Variants in FRMD4A observed in about 807,000 individuals in gnomAD.
FRMD4A encodes the protein FERM domain-containing protein 4A.
A neutral mutation model predicts 129.1 loss-of-function variants in FRMD4A; 29 were observed. That is an observed-to-expected ratio of 0.22 (90% confidence interval 0.17 to 0.31). The LOEUF (loss-of-function observed/expected upper bound fraction) is 0.31, where lower values mean the gene tolerates loss of function less well. Ranked by LOEUF, FRMD4A falls within the 10% of genes least tolerant of loss-of-function variation. The pLI is 1.00. For missense variants in FRMD4A, 1,272 were observed against 1,375.8 expected, an observed-to-expected ratio of 0.92 and a Z score of 1.19; for synonymous variants, 634 against 571.6, an observed-to-expected ratio of 1.11 and a Z score of -1.56.
intron 2 of FRMD4A, among the ~76,000 whole-genome samples, chr10:14,289,407 G>C (rs986356156): frequency 6.6e-6 from 1 of 151,930 alleles, no homozygotes; most frequent in Non-Finnish European, 1.5e-5. Context: ...TATGCCTGTT[G>C]GCTATTTATA....
chr10:14,110,639 A>AAAC (rs1298182206), intron 2 of FRMD4A, among the ~76,000 whole-genome samples: 1 of 151,692 alleles, frequency 6.6e-6, no homozygotes, highest in Non-Finnish European at 1.5e-5. Context: ...TAACAAAACA[A>AAAC]AACAAAACAA....
chr10:14,304,914 A>G (rs11591845), intron 2 of FRMD4A, among the ~76,000 whole-genome samples: 17,697 of 152,222 alleles, frequency 0.12, 1,117 homozygotes, highest in Middle Eastern at 0.24. Context: ...TGTTTCCCAC[A>G]GTGGTCTGAA....
At chr10:13,761,294 A>T (rs2092063698) in intron 8 of FRMD4A, among the ~76,000 whole-genome samples, 1 of 152,246 alleles carries the variant, frequency 6.6e-6, no homozygotes, top group Non-Finnish European at 1.5e-5. Flanking sequence ...ACTTGTCAGG[A>T]CTGACAGGTT....
chr10:14,299,434 C>A (rs189880820), intron 2 of FRMD4A, among the ~76,000 whole-genome samples: 124 of 152,242 alleles, frequency 8.1e-4, no homozygotes, highest in Middle Eastern at 3.4e-3. Context: ...GGGGTACCTG[C>A]TATAGCCTGG....
At chr10:14,307,714 C>A (rs1564454694) in intron 2 of FRMD4A, among the ~76,000 whole-genome samples, 1 of 152,200 alleles carries the variant, frequency 6.6e-6, no homozygotes, top group Non-Finnish European at 1.5e-5. Context: ...GGATACCCCA[C>A]AGACAGTTTT....
In FRMD4A at chr10:13,950,865, C is replaced by A. The variant is rs186019237; in HGVS notation, c.46-91953G>T. On this transcript the variant is annotated intron_variant, in intron 2 of 24. Transcript: ENST00000357447. The stretch of plus-strand genomic sequence containing the variant: ...CTGCTTATTTGTTTACTTATCTTCT[C>A]TCTTGCCATGGAGAATGGAAGCTTC... 4.5e-3 allele frequency among the ~76,000 whole-genome samples: 683 copies of A among 152,350 alleles called. 4 individuals carry two copies. Among genetic ancestry groups the A allele is most frequent in the Non-Finnish European group, 6.0e-3 (407 of 68,036 alleles).
At chr10:14,318,808 C>T (rs540621760) in intron 2 of FRMD4A, among the ~76,000 whole-genome samples, 2 of 152,256 alleles carry the variant, frequency 1.3e-5, no homozygotes, top group South Asian at 2.1e-4. Flanking sequence ...TGAACCACAT[C>T]GACATGTCCT....
chr10:13,650,248 A>G (rs1283148959), intron 24 of FRMD4A, among the ~76,000 whole-genome samples: 2 of 152,114 alleles, frequency 1.3e-5, no homozygotes, highest in African/African-American at 2.4e-5. Flanking sequence ...TACAGAACCA[A>G]CTGGTGGCAC....
chr10:13,867,835 A>C (rs1472539087), intron 2 of FRMD4A, among the ~76,000 whole-genome samples: 8 of 138,708 alleles, frequency 5.8e-5, no homozygotes, highest in Non-Finnish European at 1.2e-4. Context: ...TATAATATAT[A>C]ATAAATAATA....
Position 14,087,196 on chromosome 10 carries a change from T to C in FRMD4A, c.46-228284A>G, listed in dbSNP as rs1836332294. Among the ~76,000 whole-genome samples, 3 of 148,386 alleles carry C rather than the reference T, an allele frequency of 2.0e-5. No individual in the cohort carries two copies. In the Admixed American group the frequency reaches 2.0e-4, roughly 10 times the overall value. Reference sequence around the variant, plus strand: ...TGTTAATTATATACTACATAAATTATATTTATACACTTATAGGATTATAAA... The same window carrying C: ...TGTTAATTATATACTACATAAATTACATTTATACACTTATAGGATTATAAA... On this transcript the variant is annotated intron_variant, in intron 2 of 24. Coordinates refer to ENST00000357447, the MANE Select transcript of FRMD4A (RefSeq NM_018027.5).
At chr10:13,679,080 A>G (rs750256892) in intron 15 of FRMD4A, among the ~76,000 whole-genome samples, 3 of 152,026 alleles carry the variant, frequency 2.0e-5, no homozygotes, top group Non-Finnish European at 2.9e-5. Context: ...CCCAGCCTCT[A>G]GAAACTTCTG....
chr10:13,915,669 C>CA (rs68011803), intron 2 of FRMD4A, among the ~76,000 whole-genome samples: 19,397 of 121,832 alleles, frequency 0.16, 1,461 homozygotes, highest in East Asian at 0.21. Flanking sequence ...GACTCTATCT[C>CA]AAAAAAAAAA....
chr10:13,812,774 G>A (rs1306561975), intron 3 of FRMD4A, among the ~76,000 whole-genome samples: 1 of 152,218 alleles, frequency 6.6e-6, no homozygotes, highest in African/African-American at 2.4e-5. Flanking sequence ...AGACAGGAAT[G>A]GACAGGAGAA....
chr10:13,742,820 T>C (rs1161934368), intron 9 of FRMD4A, among the ~76,000 whole-genome samples: 5 of 152,104 alleles, frequency 3.3e-5, no homozygotes, highest in Non-Finnish European at 5.9e-5. Flanking sequence ...CCCGGCCCTA[T>C]TATCTATTAT....
chr10:13,917,310 A>T (rs1340452086), intron 2 of FRMD4A, among the ~76,000 whole-genome samples: 1 of 134,036 alleles, frequency 7.5e-6, no homozygotes, highest in African/African-American at 2.9e-5. Context: ...TGAGATGGAG[A>T]CTCGCTTTGT....
intron 2 of FRMD4A, among the ~76,000 whole-genome samples, chr10:13,883,271 C>T (rs2094567959): frequency 6.6e-6 from 1 of 151,902 alleles, no homozygotes. Context: ...GGGTGGATTA[C>T]CTGAGGTCAG....
chr10:14,152,117 C>CTTTTT lies in FRMD4A; in HGVS notation c.45+177936_45+177940dup, dbSNP rs36023583. 5.5e-4 allele frequency among the ~76,000 whole-genome samples: 30 copies of CTTTTT among 54,152 alleles called. 6 individuals are homozygous for CTTTTT. Among genetic ancestry groups the CTTTTT allele is most frequent in the African/African-American group, 2.0e-3 (26 of 13,322 alleles). 35.5% of individuals were successfully genotyped at this position (54,152 alleles called of 152,430 possible). On this transcript the variant is annotated intron_variant, in intron 2 of 24. Transcript: ENST00000357447. ...CAAAGCAGGATATGTTTGTGTAGTG[C>CTTTTT]TTTTTTTTTTTTTTTTTTTTTTTTT...
rs147024544 is a variant in FRMD4A at position 14,129,785 on chromosome 10, G to A, written c.45+200273C>T. Reference sequence around the variant, plus strand: ...ATAAGACAGGAACTCTGACCTTTGGGTGGTATTAATAGCTTTAATTAACAC... The same window carrying A: ...ATAAGACAGGAACTCTGACCTTTGGATGGTATTAATAGCTTTAATTAACAC... On this transcript the variant is annotated intron_variant, in intron 2 of 24. Transcript: ENST00000357447. Among the ~76,000 whole-genome samples the A allele has an allele frequency of 1.9e-4, 29 of 152,200 alleles. 2 individuals are homozygous for A. The East Asian group carries it at 5.6e-3, about 29-fold the overall frequency.
intron 2 of FRMD4A, among the ~76,000 whole-genome samples, chr10:14,212,492 G>A (rs547653892): frequency 3.3e-5 from 5 of 152,176 alleles, no homozygotes; most frequent in South Asian, 4.2e-4. Context: ...CCCCGATACC[G>A]AATAAAACTC....
Sources: allele counts gnomAD v4.1 joint callset (sites outside exome capture counted in the v4.1 genomes callset), GRCh38; gene constraint gnomAD v4.1.1; transcripts MANE v1.5; gene names NCBI Gene and HGNC (gene_info 2026-07-23, HGNC 2026-07-21).